POLA1: variants seen among roughly 807,000 people sequenced by gnomAD.
The protein encoded by POLA1 is DNA polymerase alpha catalytic subunit.
In POLA1, 15 loss-of-function variants were observed where a neutral mutation model predicts 124.0. The ratio of observed to expected loss-of-function variants is 0.12; its 90% CI spans 0.08 to 0.19. The LOEUF is 0.19. Among genes scored for constraint, POLA1 ranks in the 10% least tolerant of loss-of-function variants. The pLI, the probability that POLA1 is intolerant of heterozygous loss-of-function variation, is 1.00. For missense variants in POLA1, 886 were observed against 1,103.4 expected (o/e 0.80, Z 2.79); for synonymous variants, 408 against 389.4 (o/e 1.05, Z -0.56).
At chrX:24,697,442 G>T (rs1726818822) in intron 1 of POLA1, among the ~76,000 whole-genome samples, 1 of 111,603 alleles carries the variant, frequency 9.0e-6, no homozygotes, top group Admixed American at 9.5e-5. Flanking sequence ...AAGTTTTTGT[G>T]GCTGTCATCA....
At chrX:24,830,104 T>C (rs1404022508) in intron 32 of POLA1, among the ~76,000 whole-genome samples, 1 of 112,506 alleles carries the variant, frequency 8.9e-6, no homozygotes. Flanking sequence ...AATAATGGCA[T>C]AATTTCATTT....
chrX:24,955,894 T>C (rs1418429469), intron 36 of POLA1, among the ~76,000 whole-genome samples: 1 of 112,374 alleles, frequency 8.9e-6, no homozygotes, highest in Non-Finnish European at 1.9e-5. Flanking sequence ...CTAAAACCAT[T>C]TTTTAAAGCT....
intron 36 of POLA1, among the ~76,000 whole-genome samples, chrX:24,988,709 T>G (rs2048503519): frequency 8.9e-6 from 1 of 112,148 alleles, no homozygotes; most frequent in South Asian, 3.7e-4. Flanking sequence ...GGCTGACACC[T>G]CTAATCCAGC....
At chrX:24,914,973 A>G (rs983767067) in intron 35 of POLA1, among the ~76,000 whole-genome samples, 6 of 112,392 alleles carry the variant, frequency 5.3e-5, no homozygotes, top group Admixed American at 4.7e-4. Context: ...GAAAATGTAA[A>G]TTAGTTTCAA....
chrX:24,918,867 C>G (rs1318090683), intron 35 of POLA1, among the ~76,000 whole-genome samples: 1 of 110,684 alleles, frequency 9.0e-6, no homozygotes, highest in African/African-American at 3.3e-5. Context: ...TTTTTAACAA[C>G]CAGCTCTAAA....
chrX:24,802,736 GC>G (rs1331788300), intron 26 of POLA1, among the ~76,000 whole-genome samples: 1 of 112,204 alleles, frequency 8.9e-6, no homozygotes, highest in Non-Finnish European at 1.9e-5. Context: ...GGTGGCTCAT[GC>G]CTGTAATCCC....
intron 26 of POLA1, among the ~76,000 whole-genome samples, chrX:24,794,020 C>T (rs558839828): frequency 9.2e-6 from 1 of 108,431 alleles, no homozygotes; most frequent in East Asian, 3.0e-4. Flanking sequence ...ATTGCCCAGG[C>T]GGCTGGAGTG....
intron 30 of POLA1, among the ~76,000 whole-genome samples, chrX:24,819,539 T>G (rs777801080): frequency 2.1e-4 from 24 of 112,186 alleles, no homozygotes; most frequent in Non-Finnish European, 4.3e-4. Flanking sequence ...ACAAATGCTT[T>G]CCCTTGAGCA....
chrX:24,703,181 T>G (rs1187162137), intron 2 of POLA1, 70 bp from the exon 3 acceptor site: 2 of 784,815 alleles, frequency 2.5e-6, no homozygotes, highest in Non-Finnish European at 3.7e-6. Flanking sequence ...TGACAATTTT[T>G]TCATCAGAAT....
intron 5 of POLA1, 147 bp from the exon 6 acceptor site, chrX:24,714,992 CTG>C: frequency 4.4e-6 from 2 of 457,941 alleles, no homozygotes; most frequent in Non-Finnish European, 7.6e-6. Flanking sequence ...TTGTTAAAAT[CTG>C]TGAATGTAGA....
At chrX:24,714,387 A>C (rs1403219190) in intron 4 of POLA1, among the ~76,000 whole-genome samples, 167 bp from the exon 5 acceptor site, 2 of 112,141 alleles carry the variant, frequency 1.8e-5, no homozygotes, top group Non-Finnish European at 3.8e-5. Flanking sequence ...CGATCTCCTG[A>C]TCTCGTGATC....
intron 26 of POLA1, among the ~76,000 whole-genome samples, chrX:24,770,000 C>G (rs2044995194): frequency 8.9e-6 from 1 of 112,379 alleles, no homozygotes; most frequent in Non-Finnish European, 1.9e-5. Flanking sequence ...ATTTGTGCCA[C>G]TCTTCTGAAA....
intron 4 of POLA1, among the ~76,000 whole-genome samples, chrX:24,709,216 G>C (rs1388333636): frequency 1.0e-5 from 1 of 95,465 alleles, no homozygotes; most frequent in Non-Finnish European, 2.1e-5. Context: ...CCTCCCTCCC[G>C]GACAGGGCGG....
chrX:24,698,789 G>A (rs766164911), intron 1 of POLA1, among the ~76,000 whole-genome samples: 12 of 111,081 alleles, frequency 1.1e-4, no homozygotes, highest in Non-Finnish European at 1.7e-4. Context: ...AAGTAGCTGG[G>A]GTTACAGGCA....
rs1197595903 is a variant in POLA1, at chrX:24,693,945, T to G, written c.-17T>G. 1 of 1,189,312 alleles carries G rather than the reference T, an allele frequency of 8.4e-7. No individual in the cohort carries two copies. Among genetic ancestry groups the G allele is most frequent in the African/African-American group, 1.7e-5 (1 of 57,279 alleles). On this transcript the variant is annotated 5_prime_UTR_variant, in exon 1 of 37. Coordinates refer to ENST00000379068, the MANE Select transcript of POLA1 (RefSeq NM_001330360.2). Reference sequence around the variant, plus strand: ...CAGTTTTGGGCTGGTTGGCGCGGAATCGGGAGATTCGGGACCATGGCACCT... The same window carrying G: ...CAGTTTTGGGCTGGTTGGCGCGGAAGCGGGAGATTCGGGACCATGGCACCT...
At chrX:24,810,896 T>C in intron 28 of POLA1, 96 bp downstream of exon 28, 1 of 457,588 alleles carries the variant, frequency 2.2e-6, no homozygotes. Context: ...TGAATGTGTG[T>C]GCTTCTGAAA....
At chrX:24,874,237 A>G (rs1378733123) in intron 34 of POLA1, among the ~76,000 whole-genome samples, 1 of 112,381 alleles carries the variant, frequency 8.9e-6, no homozygotes, top group Non-Finnish European at 1.9e-5. Flanking sequence ...GTTGCTTTCC[A>G]TAGACACTGT....
rs113152715 is a variant in POLA1, at chrX:24,810,571, A to C, written c.2998-137A>C. 4.2e-3 allele frequency: 1,491 copies of C among 353,028 alleles called. 22 individuals carry two copies. The highest frequency in any genetic ancestry group is 0.037 in the African/African-American group (1,361 of 36,667). 29.1% of individuals were successfully genotyped at this position (353,028 alleles called of 1,213,427 possible). A position where few individuals can be genotyped will look rare whatever the true frequency, so the allele number is the denominator to read the frequency against. On this transcript the variant is annotated intron_variant, in intron 27 of 36. Coordinates refer to ENST00000379068, the MANE Select transcript of POLA1 (RefSeq NM_001330360.2). ...TAATCTTTAATTGTATACCCTGACA[A>C]TATAAATAATAATTAACATAAACTT... is the stretch of plus-strand genomic sequence containing the variant.
chrX:24,984,021 A>G (rs1292126089), intron 36 of POLA1, among the ~76,000 whole-genome samples: 2 of 112,551 alleles, frequency 1.8e-5, no homozygotes, highest in Non-Finnish European at 1.9e-5. Flanking sequence ...GACTTAATCA[A>G]GAACTGTACT....
Sources: gnomAD v4.1 joint callset for allele counts (sites outside exome capture counted in the v4.1 genomes callset) on GRCh38, gnomAD v4.1.1 for gene constraint, MANE v1.5 for transcripts, NCBI Gene and HGNC (gene_info 2026-07-23, HGNC 2026-07-21) for gene names.